Variants in TRIM5 observed in about 807,000 individuals in gnomAD.
TRIM5 encodes tripartite motif containing 5, also known as tripartite motif-containing protein 5.
TRIM5 carries 31 observed loss-of-function variants against 35.6 expected under a neutral mutation model. The observed-to-expected ratio is 0.87, with a 90% CI of 0.65 to 1.18. The LOEUF is 1.18. Ranked by LOEUF, TRIM5 falls within the 50% of genes most tolerant of loss-of-function variation. The pLI is 0.00. For missense variants in TRIM5, 609 were observed against 591.6 expected (o/e 1.03, Z -0.31); for synonymous variants, 243 against 215.6 (o/e 1.13, Z -1.11).
chr11:5,673,246 C>T (rs1254588685), intron 4 of TRIM5, among the ~76,000 whole-genome samples: 1 of 151,934 alleles, frequency 6.6e-6, no homozygotes, highest in Non-Finnish European at 1.5e-5. Flanking sequence ...ATATACTATG[C>T]AAGCAGTAAC....
intron 3 of TRIM5, 99 bp downstream of exon 3, chr11:5,678,975 T>C (rs954850733): frequency 3.0e-6 from 3 of 997,174 alleles, no homozygotes. Flanking sequence ...AAATGACTTC[T>C]GGACTTATCA....
the TRIM5 span, among the ~76,000 whole-genome samples, chr11:5,628,647 A>C: frequency 6.6e-6 from 1 of 152,164 alleles, no homozygotes; most frequent in Non-Finnish European, 1.5e-5. Context: ...AAGTTGTCAC[A>C]CATCACAGAT....
At chr11:5,603,804 C>T in the TRIM5 span, 3 of 1,563,748 alleles carry the variant, frequency 1.9e-6, no homozygotes, top group South Asian at 1.2e-5. Flanking sequence ...TTTTATCATG[C>T]TCTGATCTAA....
the TRIM5 span, among the ~76,000 whole-genome samples, chr11:5,633,458 G>A: frequency 6.6e-6 from 1 of 152,084 alleles, no homozygotes; most frequent in Middle Eastern, 3.2e-3. Context: ...CCTTCCCAAA[G>A]TTAGCTCTCT....
At chr11:5,660,764 C>T (rs189998292), downstream of TRIM5, among the ~76,000 whole-genome samples, 420 of 151,888 alleles carry the variant, frequency 2.8e-3, 1 homozygote, top group Non-Finnish European at 3.8e-3. Flanking sequence ...TTAGATAGGC[C>T]GGGCGCAGTG....
chr11:5,597,215 C>T, the TRIM5 span, among the ~76,000 whole-genome samples: 2,473 of 152,224 alleles, frequency 0.016, 72 homozygotes, highest in African/African-American at 0.056. Flanking sequence ...GCTTTAGTTT[C>T]TTCCATCTAT....
chr11:5,674,548 T>C (rs2134081233), intron 4 of TRIM5, among the ~76,000 whole-genome samples: 1 of 152,298 alleles, frequency 6.6e-6, no homozygotes, highest in South Asian at 2.1e-4. Flanking sequence ...CTCAACCTAG[T>C]AAAACCCAGC....
At chr11:5,611,030 T>A in the TRIM5 span, 1 of 1,614,236 alleles carries the variant, frequency 6.2e-7, no homozygotes, top group Non-Finnish European at 8.5e-7. Flanking sequence ...TCAACCATTT[T>A]GCTCAAAATC....
chr11:5,653,935 T>C, the TRIM5 span, among the ~76,000 whole-genome samples: 3,322 of 152,228 alleles, frequency 0.022, 119 homozygotes, highest in African/African-American at 0.076. Flanking sequence ...ATTTAGTCTA[T>C]TGTTAATGCT....
At chr11:5,598,731 ACAGT>A in the TRIM5 span, among the ~76,000 whole-genome samples, 6 of 152,222 alleles carry the variant, frequency 3.9e-5, no homozygotes, top group Non-Finnish European at 7.3e-5. Context: ...GTTTGACAAC[ACAGT>A]TCCATTATGC....
rs1367315517 is a variant in TRIM5, at chr11:5,665,804, G to A, written c.869-122C>T. ...ATGGTAGGGCAGTAAATTGCTGAAT[G>A]ATGAGATGAAACAGCCACCTAGCCA... is the stretch of plus-strand genomic sequence containing the variant. On this transcript the variant is annotated intron_variant, in intron 6 of 7. Transcript: ENST00000380034. 4.3e-6 allele frequency: 6 copies of A among 1,409,288 alleles called. No homozygotes were observed. The South Asian group carries it at 9.9e-5, about 23-fold the overall frequency. The allele number at this position is 1,409,288 out of a possible 1,614,324, so 87.3% of individuals were successfully genotyped here. A position where few individuals can be genotyped will look rare whatever the true frequency, so the allele number is the denominator to read the frequency against.
At chr11:5,655,737 A>C in the TRIM5 span, 1 of 962,560 alleles carries the variant, frequency 1.0e-6, no homozygotes, top group African/African-American at 1.8e-5. Flanking sequence ...CCGGGCACAA[A>C]AGTATGTGCA....
chr11:5,643,211 G>A, the TRIM5 span: 1 of 1,612,862 alleles, frequency 6.2e-7, no homozygotes, highest in Non-Finnish European at 8.5e-7. Flanking sequence ...AGAGACAAGT[G>A]ATATCTGTGC....
At chr11:5,661,478 G>C (rs573661510), downstream of TRIM5, among the ~76,000 whole-genome samples, 1 of 152,158 alleles carries the variant, frequency 6.6e-6, no homozygotes, top group African/African-American at 2.4e-5. Context: ...GTGTCCTGCA[G>C]AACAGTCTTC....
the TRIM5 span, among the ~76,000 whole-genome samples, chr11:5,614,058 G>GGTAA: frequency 6.6e-6 from 1 of 152,084 alleles, no homozygotes; most frequent in Non-Finnish European, 1.5e-5. Context: ...CAATTATTAG[G>GGTAA]GTAAGTTCAC....
the TRIM5 span, among the ~76,000 whole-genome samples, chr11:5,628,798 C>G: frequency 1.6e-5 from 2 of 127,598 alleles, no homozygotes; most frequent in African/African-American, 5.1e-5. Flanking sequence ...AAGATGGCGG[C>G]AAAGTTGATT....
chr11:5,655,192 TAAAAA>T, the TRIM5 span, among the ~76,000 whole-genome samples: 7 of 118,088 alleles, frequency 5.9e-5, 1 homozygote, highest in African/African-American at 2.2e-4. Context: ...AAACTCCGTC[TAAAAA>T]AAAAAAAAAA....
At chr11:5,648,900 T>C in the TRIM5 span, among the ~76,000 whole-genome samples, 1 of 152,202 alleles carries the variant, frequency 6.6e-6, no homozygotes, top group Non-Finnish European at 1.5e-5. Context: ...TATGCCAGGA[T>C]TCAAAGAATC....
the TRIM5 span, among the ~76,000 whole-genome samples, chr11:5,601,630 C>T: frequency 6.6e-6 from 1 of 152,092 alleles, no homozygotes; most frequent in Non-Finnish European, 1.5e-5. Context: ...TGGTGGCGCT[C>T]ACCTGTAATC....
Sources: allele counts gnomAD v4.1 joint callset (sites outside exome capture counted in the v4.1 genomes callset), GRCh38; gene constraint gnomAD v4.1.1; transcripts MANE v1.5; gene names NCBI Gene and HGNC (gene_info 2026-07-23, HGNC 2026-07-21).